Variants in STAU2 observed in about 807,000 individuals in gnomAD.
The protein encoded by STAU2 is double-stranded RNA-binding protein Staufen homolog 2.
A neutral mutation model predicts 65.9 loss-of-function variants in STAU2; 20 were observed. That is an observed-to-expected ratio of 0.30 (90% CI 0.21 to 0.44). The LOEUF (loss-of-function observed/expected upper bound fraction) is 0.44. Ranked by LOEUF, STAU2 falls within the 20% of genes least tolerant of loss-of-function variation. STAU2 has a pLI of 1.00. For missense variants in STAU2, 558 were observed against 683.9 expected (o/e 0.82, Z 2.05); for synonymous variants, 232 against 233.9 (o/e 0.99, Z 0.07).
intron 13 of STAU2, chr8:73,550,121 T>C (rs1266160184): frequency 1.0e-6 from 1 of 985,246 alleles, no homozygotes; most frequent in Admixed American, 6.2e-5. Flanking sequence ...TTTACATCAA[T>C]ACCAGCTCAT....
intron 13 of STAU2, among the ~76,000 whole-genome samples, chr8:73,538,613 T>C (rs1806330252): frequency 6.6e-6 from 1 of 150,790 alleles, no homozygotes; most frequent in African/African-American, 2.4e-5. Context: ...GCCTGGAGAC[T>C]TGTAATATTG....
At chr8:73,524,477 C>G (rs544812857) in intron 13 of STAU2, among the ~76,000 whole-genome samples, 13 of 152,310 alleles carry the variant, frequency 8.5e-5, no homozygotes, top group African/African-American at 2.6e-4. Flanking sequence ...TTTCACTTAA[C>G]AGTCTCTGTC....
chr8:73,434,240 C>G (rs767672304), intron 13 of STAU2, among the ~76,000 whole-genome samples: 1 of 106,974 alleles, frequency 9.3e-6, no homozygotes, highest in East Asian at 2.4e-4. Context: ...TGACTCAACA[C>G]AAGGAATGTG....
At chr8:73,589,916 CAGG>C (rs980654438) in intron 11 of STAU2, among the ~76,000 whole-genome samples, 4 of 148,374 alleles carry the variant, frequency 2.7e-5, no homozygotes, top group African/African-American at 1.0e-4. Flanking sequence ...GGAAGAGAAG[CAGG>C]AGGAGGAAGA....
intron 6 of STAU2, among the ~76,000 whole-genome samples, chr8:73,662,570 C>T (rs1204868395): frequency 1.3e-5 from 2 of 151,164 alleles, no homozygotes; most frequent in Admixed American, 6.6e-5. Context: ...TTATTTTTGT[C>T]TGTGGTGTGA....
chr8:73,551,241 G>A (rs1055125749), intron 13 of STAU2: 5 of 987,302 alleles, frequency 5.1e-6, no homozygotes, highest in Non-Finnish European at 4.8e-6. Context: ...ATTTTTGTGG[G>A]GTTTTTTCCC....
chr8:73,537,042 T>C (rs1031339377), intron 13 of STAU2, among the ~76,000 whole-genome samples: 9 of 152,132 alleles, frequency 5.9e-5, no homozygotes, highest in Non-Finnish European at 1.3e-4. Flanking sequence ...AGCAATTACA[T>C]ACACACTCTT....
intron 13 of STAU2, among the ~76,000 whole-genome samples, chr8:73,470,904 ACATAGG>A (rs1323373235): frequency 6.6e-6 from 1 of 152,180 alleles, no homozygotes; most frequent in African/African-American, 2.4e-5. Flanking sequence ...GAAAAATAAC[ACATAGG>A]CATGTTTCCT....
intron 13 of STAU2, chr8:73,527,539 A>G (rs1805525423): frequency 4.3e-6 from 2 of 461,588 alleles, no homozygotes; most frequent in South Asian, 1.3e-4. Context: ...TCCCAACACA[A>G]ACAATTTTGA....
intron 3 of STAU2, among the ~76,000 whole-genome samples, chr8:73,721,646 T>C (rs1821697546): frequency 6.6e-6 from 1 of 152,198 alleles, no homozygotes; most frequent in African/African-American, 2.4e-5. Flanking sequence ...CTCTTTACCA[T>C]TATAAATGAA....
chr8:73,432,447 G>A (rs532102554), intron 13 of STAU2, among the ~76,000 whole-genome samples: 79 of 152,252 alleles, frequency 5.2e-4, no homozygotes, highest in African/African-American at 1.8e-3. Context: ...CAATAAGCTT[G>A]AAAGTTTATT....
intron 13 of STAU2, among the ~76,000 whole-genome samples, chr8:73,447,602 T>A (rs1400331208): frequency 6.6e-6 from 1 of 152,156 alleles, no homozygotes; most frequent in Non-Finnish European, 1.5e-5. Context: ...TCTTAAAAAT[T>A]TGTAACAAGT....
chr8:73,714,778 A>G (rs956461662), intron 3 of STAU2, among the ~76,000 whole-genome samples: 8 of 152,150 alleles, frequency 5.3e-5, no homozygotes, highest in Non-Finnish European at 8.8e-5. Flanking sequence ...TACAGAAGAA[A>G]TACTTGCAAT....
intron 12 of STAU2, among the ~76,000 whole-genome samples, chr8:73,568,906 G>T (rs535144149): frequency 2.6e-5 from 4 of 152,174 alleles, no homozygotes; most frequent in African/African-American, 9.7e-5. Flanking sequence ...CTCCCAGTGT[G>T]AGCGATGCAG....
chr8:73,552,024 A>T lies in STAU2; in HGVS notation c.1518T>A (p.Ile506=). 6.4e-7 allele frequency: 1 copy of T among 1,561,118 alleles called. No individual in the cohort carries two copies. Among genetic ancestry groups the T allele is most frequent in the African/African-American group, 1.4e-5 (1 of 72,910 alleles). Reference sequence around the variant, plus strand: ...TTTTAATTCATACCTGAAAGCCTTGAATCCTTGCTAAATATTCCAGTTGTT... The same window carrying T: ...TTTTAATTCATACCTGAAAGCCTTGTATCCTTGCTAAATATTCCAGTTGTT... ...PSKQLEYLAR[I]QGFQAALSAL... The change falls in exon 13 of 15, where the codon ATT becomes ATA. Residue 506 remains isoleucine, a synonymous_variant. Transcript: ENST00000524300.
At chr8:73,576,351 G>A (rs532132829) in intron 12 of STAU2, among the ~76,000 whole-genome samples, 43 of 152,034 alleles carry the variant, frequency 2.8e-4, no homozygotes, top group Middle Eastern at 3.4e-3. Context: ...AGTGGGGGGC[G>A]GGAGAGGGCA....
At chr8:73,567,662 C>G (rs539473082) in intron 12 of STAU2, among the ~76,000 whole-genome samples, 2 of 151,992 alleles carry the variant, frequency 1.3e-5, no homozygotes, top group African/African-American at 4.8e-5. Context: ...ATTCTCCCAC[C>G]TTGGCCTCCT....
At chr8:73,497,174 C>T (rs1309156850) in intron 13 of STAU2, among the ~76,000 whole-genome samples, 1 of 151,644 alleles carries the variant, frequency 6.6e-6, no homozygotes, top group Non-Finnish European at 1.5e-5. Flanking sequence ...AAGTGGATTA[C>T]TTCATCTATT....
At chr8:73,686,709 C>T (rs1818855136) in intron 5 of STAU2, among the ~76,000 whole-genome samples, 1 of 151,206 alleles carries the variant, frequency 6.6e-6, no homozygotes, top group South Asian at 2.1e-4. Context: ...TAACCGAATA[C>T]CACCTGTTCC....
Sources: allele counts gnomAD v4.1 joint callset (sites outside exome capture counted in the v4.1 genomes callset), GRCh38; gene constraint gnomAD v4.1.1; transcripts MANE v1.5; gene names NCBI Gene and HGNC (gene_info 2026-07-23, HGNC 2026-07-21).